Variants in OTUB2 observed in about 807,000 individuals in gnomAD.
OTUB2 encodes OTU deubiquitinase, ubiquitin aldehyde binding 2.
A neutral mutation model predicts 25.1 loss-of-function variants in OTUB2; 21 were observed. The ratio of observed to expected loss-of-function variants is 0.84; its 90% CI spans 0.59 to 1.21. The LOEUF (loss-of-function observed/expected upper bound fraction) is 1.21, where lower values mean the gene tolerates loss of function less well. OTUB2 is among the 50% of genes most tolerant of loss of function. The pLI is 0.00. For missense variants in OTUB2, 283 were observed against 298.0 expected (o/e 0.95, Z 0.37); for synonymous variants, 122 against 122.8 (o/e 0.99, Z 0.04).
chr14:94,041,075 G>A lies in OTUB2; in HGVS notation c.218+1994G>A, dbSNP rs772208987. On this transcript the variant is annotated intron_variant, in intron 3 of 5. Coordinates refer to ENST00000203664, the MANE Select transcript of OTUB2 (RefSeq NM_023112.4). Reference sequence around the variant, plus strand: ...GATGTGGTCGGGGAGAGATCCAGAGGGGAGATGGCTGTGGCATGAGCAGGT... The same window carrying A: ...GATGTGGTCGGGGAGAGATCCAGAGAGGAGATGGCTGTGGCATGAGCAGGT... Among the ~76,000 whole-genome samples, 48 of 152,208 alleles carry A rather than the reference G, an allele frequency of 3.2e-4. 1 individual carries two copies. Among genetic ancestry groups the A allele is most frequent in the African/African-American group, 1.1e-3 (47 of 41,442 alleles).
At chr14:94,027,339 C>T (rs1421319425) in intron 1 of OTUB2, among the ~76,000 whole-genome samples, 2 of 152,156 alleles carry the variant, frequency 1.3e-5, no homozygotes, top group Non-Finnish European at 2.9e-5. Context: ...TCCAGGTTGC[C>T]GTGGGGTCAG....
At position 94,037,378 on chromosome 14, in the gene OTUB2, A is replaced by T. The variant is rs1885075281; in HGVS notation, c.4-2A>T. On this transcript the variant is annotated splice_acceptor_variant, in intron 1 of 5. Transcript: ENST00000203664. LOFTEE classifies it high-confidence loss of function. Reference sequence around the variant, plus strand: ...AGCATTTCTTCCTTCCCTATCTTTCAGAGTGAAACATCTTTCAACCTAATA... The same window carrying T: ...AGCATTTCTTCCTTCCCTATCTTTCTGAGTGAAACATCTTTCAACCTAATA... The T allele has an allele frequency of 6.4e-7, 1 of 1,570,066 alleles. No homozygotes were observed. Among genetic ancestry groups the T allele is most frequent in the Non-Finnish European group, 8.8e-7 (1 of 1,141,552 alleles).
intron 4 of OTUB2, 55 bp downstream of exon 4, chr14:94,044,110 T>G: frequency 6.6e-7 from 1 of 1,510,744 alleles, no homozygotes; most frequent in South Asian, 1.1e-5. Context: ...GAGTGGGCAC[T>G]GGCTGGAGCC....
In OTUB2 at chr14:94,026,520, C is replaced by G. The variant is rs765476895; in HGVS notation, c.-18C>G. ...GCTCCTCGCTGGGGCGGGACCTGGC[C>G]TGGCGGCTCTGGTCACTATGGTCAG... On this transcript the variant is annotated 5_prime_UTR_variant, in exon 1 of 6. Coordinates refer to ENST00000203664, the MANE Select transcript of OTUB2 (RefSeq NM_023112.4). 3.6e-5 allele frequency: 45 copies of G among 1,258,746 alleles called. No individual in the cohort carries two copies. In the African/African-American group the frequency reaches 6.5e-4, roughly 18 times the overall value. 78.0% of individuals were successfully genotyped at this position (1,258,746 alleles called of 1,614,324 possible). A position where few individuals can be genotyped will look rare whatever the true frequency, so the allele number is the denominator to read the frequency against.
intron 3 of OTUB2, among the ~76,000 whole-genome samples, chr14:94,040,110 C>T (rs781012777): frequency 1.3e-5 from 2 of 152,080 alleles, no homozygotes; most frequent in African/African-American, 4.8e-5. Context: ...AAACCTCTTT[C>T]GGTGGAAAAA....
chr14:94,041,312 C>T (rs1329497938), intron 3 of OTUB2, among the ~76,000 whole-genome samples: 3 of 152,110 alleles, frequency 2.0e-5, no homozygotes, highest in East Asian at 1.9e-4. Flanking sequence ...CTGAAATGTC[C>T]GGGAGCCATA....
Position 94,045,820 on chromosome 14 carries a change from C to A in OTUB2, c.603C>A (p.Thr201=), listed in dbSNP as rs761862462. The A allele has an allele frequency of 2.7e-5, 44 of 1,614,194 alleles. No homozygotes were observed. In the South Asian group the frequency reaches 4.5e-4, roughly 17 times the overall value. ...TGGAGTACGTGGACGAGATGGATACCGCCCTGAACCACCACGTGTTCCCTG... is the reference window on the plus strand; with the variant it reads ...TGGAGTACGTGGACGAGATGGATACAGCCCTGAACCACCACGTGTTCCCTG... ...LQVEYVDEMD[T]ALNHHVFPEA... is the part of the protein sequence containing the mutation. The change falls in exon 6 of 6, where the codon ACC becomes ACA. Residue 201 remains threonine, a synonymous_variant. Coordinates refer to ENST00000203664, the MANE Select transcript of OTUB2 (RefSeq NM_023112.4).
intron 1 of OTUB2, among the ~76,000 whole-genome samples, chr14:94,027,117 G>A (rs931006266): frequency 6.6e-5 from 10 of 152,300 alleles, no homozygotes; most frequent in Admixed American, 6.5e-4. Context: ...AGGGGTCGGG[G>A]AAAAGAAAAT....
intron 1 of OTUB2, among the ~76,000 whole-genome samples, chr14:94,032,326 A>G (rs1327288347): frequency 1.3e-5 from 2 of 152,236 alleles, no homozygotes; most frequent in Non-Finnish European, 2.9e-5. Context: ...AGGGAAAAAA[A>G]TATCCAGAAT....
chr14:94,043,091 C>T (rs1885194835), intron 3 of OTUB2, among the ~76,000 whole-genome samples: 1 of 152,212 alleles, frequency 6.6e-6, no homozygotes, highest in South Asian at 2.1e-4. Context: ...GCTTCCCGTC[C>T]ACACCCACCA....
At chr14:94,040,245 T>C (rs12433627) in intron 3 of OTUB2, among the ~76,000 whole-genome samples, 80,111 of 152,092 alleles carry the variant, frequency 0.53, 22,857 homozygotes, top group African/African-American at 0.76. Flanking sequence ...CAGATTGTTT[T>C]GCCAGTGACA....
chr14:94,035,286 CTTTT>C (rs761154708), intron 1 of OTUB2, among the ~76,000 whole-genome samples: 3 of 104,046 alleles, frequency 2.9e-5, no homozygotes, highest in African/African-American at 3.7e-5. Context: ...TTTTTCTTTT[CTTTT>C]TTTTTTTTTT....
At position 94,039,028 on chromosome 14, in the gene OTUB2, C is replaced by G. The variant is rs1372567720; in HGVS notation, c.165C>G (p.Ala55=). 3 of 1,614,190 alleles carry G rather than the reference C, an allele frequency of 1.9e-6. No homozygotes were observed. The South Asian group carries it at 3.3e-5, about 18-fold the overall frequency. The change falls in exon 3 of 6, where the codon GCC becomes GCG. Residue 55 remains alanine, a synonymous_variant. Transcript: ENST00000203664. The stretch of plus-strand genomic sequence containing the variant: ...GGGATGGGAACTGCTTCTACAGGGC[C>G]TTGGGCTATTCCTACCTGGAGTCCC... ...TKGDGNCFYR[A]LGYSYLESLL...
chr14:94,037,559 GAT>G, intron 2 of OTUB2, 84 bp downstream of exon 2: 1 of 868,964 alleles, frequency 1.2e-6, no homozygotes, highest in Non-Finnish European at 1.7e-6. Context: ...TTTGAAGGCC[GAT>G]AGTTTGGGCC....
chr14:94,041,115 T>C (rs1325980911), intron 3 of OTUB2, among the ~76,000 whole-genome samples: 6 of 152,186 alleles, frequency 3.9e-5, no homozygotes, highest in Non-Finnish European at 7.3e-5. Flanking sequence ...GCAGTGGGCA[T>C]GGCAAGAAGT....
intron 1 of OTUB2, among the ~76,000 whole-genome samples, chr14:94,027,824 C>T (rs1462796436): frequency 1.3e-5 from 2 of 152,214 alleles, no homozygotes; most frequent in African/African-American, 2.4e-5. Flanking sequence ...AGCTGGGGGC[C>T]TCTGGAGCAT....
At position 94,048,794 on chromosome 14, in the gene OTUB2, T is replaced by C. The variant is rs1885332085; in HGVS notation, c.*2872T>C. Reference sequence around the variant, plus strand: ...CAAACACATCACCACCCTGAGCAGATACAGGAGTGGGGAGGGGGCTGTAAC... The same window carrying C: ...CAAACACATCACCACCCTGAGCAGACACAGGAGTGGGGAGGGGGCTGTAAC... On this transcript the variant is annotated 3_prime_UTR_variant, in exon 6 of 6. Coordinates refer to ENST00000203664, the MANE Select transcript of OTUB2 (RefSeq NM_023112.4). The C allele has an allele frequency of 6.6e-6, 1 of 152,188 alleles. No individual in the cohort carries two copies. The highest frequency in any genetic ancestry group is 1.5e-5 in the Non-Finnish European group (1 of 68,064). The allele number at this position is 152,188 out of a possible 1,614,324, so 9.4% of individuals were successfully genotyped here. A position where few individuals can be genotyped will look rare whatever the true frequency, so the allele number is the denominator to read the frequency against.
intron 1 of OTUB2, among the ~76,000 whole-genome samples, chr14:94,036,557 G>A (rs1267634774): frequency 6.6e-6 from 1 of 152,084 alleles, no homozygotes; most frequent in Non-Finnish European, 1.5e-5. Flanking sequence ...AGGCCCACGG[G>A]GAGTTGGCTG....
chr14:94,030,189 G>A (rs1434259180), intron 1 of OTUB2, among the ~76,000 whole-genome samples: 2 of 152,168 alleles, frequency 1.3e-5, no homozygotes, highest in Admixed American at 1.3e-4. Context: ...GGCAGGAGTG[G>A]AAACCAGGAG....
Sources: gnomAD v4.1 joint callset for allele counts (sites outside exome capture counted in the v4.1 genomes callset) on GRCh38, gnomAD v4.1.1 for gene constraint, MANE v1.5 for transcripts, NCBI Gene and HGNC (gene_info 2026-07-23, HGNC 2026-07-21) for gene names.